The following CNTNAP5 variants were observed in gnomAD, a reference collection of about 807,000 sequenced individuals.
The protein encoded by CNTNAP5 is contactin associated protein family member 5.
In CNTNAP5, 72 loss-of-function variants were observed where a neutral mutation model predicts 150.2. The ratio of observed to expected loss-of-function variants is 0.48; its 90% CI spans 0.40 to 0.58. CNTNAP5 has a LOEUF of 0.58. Ranked by LOEUF, CNTNAP5 falls within the 20% of genes least tolerant of loss-of-function variation. The pLI, the probability that CNTNAP5 is intolerant of heterozygous loss-of-function variation, is 0.00. For missense variants in CNTNAP5, 1,636 were observed against 1,626.2 expected, an observed-to-expected ratio of 1.01 and a Z score of -0.10; for synonymous variants, 672 against 619.8, an observed-to-expected ratio of 1.08 and a Z score of -1.25.
At chr2:124,491,372 T>C (rs1023319288) in intron 7 of CNTNAP5, among the ~76,000 whole-genome samples, 1 of 152,104 alleles carries the variant, frequency 6.6e-6, no homozygotes, top group Non-Finnish European at 1.5e-5. Context: ...ATAGCATGGT[T>C]TTCCTCTTTC....
At chr2:124,027,583 A>T (rs1204533819) in intron 1 of CNTNAP5, among the ~76,000 whole-genome samples, 1 of 152,246 alleles carries the variant, frequency 6.6e-6, no homozygotes, top group Non-Finnish European at 1.5e-5. Flanking sequence ...AATGTGTTTT[A>T]AAAATGCTCA....
At chr2:124,815,022 C>G (rs558493403) in intron 19 of CNTNAP5, among the ~76,000 whole-genome samples, 25 of 152,168 alleles carry the variant, frequency 1.6e-4, no homozygotes, top group Non-Finnish European at 3.2e-4. Flanking sequence ...GATGAAGTGC[C>G]TGCTAGTCTA....
rs184976006 is a variant in CNTNAP5 at position 124,663,500 on chromosome 2, A to G, written c.2077+15542A>G. 4.4e-3 allele frequency among the ~76,000 whole-genome samples: 671 copies of G among 152,362 alleles called. 6 individuals carry two copies. The highest frequency in any genetic ancestry group is 7.6e-3 in the Non-Finnish European group (520 of 68,036). ...CGACACTGTAAAAATTTATCTGTAT[A>G]TTCAGCACAATTTTTGCATTAGAAT... On this transcript the variant is annotated intron_variant, in intron 13 of 23. Transcript: ENST00000682447.
At chr2:124,700,212 CTGAG>C (rs1375950717) in intron 13 of CNTNAP5, among the ~76,000 whole-genome samples, 6 of 152,146 alleles carry the variant, frequency 3.9e-5, no homozygotes, top group Non-Finnish European at 8.8e-5. Context: ...CTTTTTAAGG[CTGAG>C]TAATATTCCA....
intron 11 of CNTNAP5, among the ~76,000 whole-genome samples, chr2:124,591,888 TAAC>T (rs1400730360): frequency 2.0e-5 from 3 of 152,174 alleles, no homozygotes; most frequent in Non-Finnish European, 4.4e-5. Flanking sequence ...TCTCTATACA[TAAC>T]CTTTATAAAA....
intron 17 of CNTNAP5, among the ~76,000 whole-genome samples, chr2:124,777,774 GATGT>G (rs1424976004): frequency 1.1e-4 from 11 of 104,658 alleles, no homozygotes; most frequent in African/African-American, 3.9e-4. Flanking sequence ...AGAATGGAGG[GATGT>G]GTGTGTGTGT....
chr2:124,258,765 C>T (rs1327597645), intron 3 of CNTNAP5, among the ~76,000 whole-genome samples: 1 of 152,190 alleles, frequency 6.6e-6, no homozygotes, highest in Non-Finnish European at 1.5e-5. Flanking sequence ...TTCTATGACT[C>T]ACATGCCTTC....
In CNTNAP5 at chr2:124,296,230, G is replaced by A. The variant is rs200968928; in HGVS notation, c.381+53837G>A. Among the ~76,000 whole-genome samples, 667 of 152,162 alleles carry A rather than the reference G, an allele frequency of 4.4e-3. 6 individuals carry two copies. The highest frequency in any genetic ancestry group is 0.015 in the African/African-American group (636 of 41,496). Reference sequence around the variant, plus strand: ...GAAAATCACCCTTGAAATTCCAGTGGTTTAATGCCACAAAGATTTATTTCT... The same window carrying A: ...GAAAATCACCCTTGAAATTCCAGTGATTTAATGCCACAAAGATTTATTTCT... On this transcript the variant is annotated intron_variant, in intron 3 of 23. Coordinates refer to ENST00000682447, the MANE Select transcript of CNTNAP5 (RefSeq NM_001367498.1).
chr2:124,916,650 A>T lies in CNTNAP5; in HGVS notation c.*2362A>T, dbSNP rs990975194. Among the ~76,000 whole-genome samples the T allele has an allele frequency of 6.6e-6, 1 of 152,058 alleles. No homozygotes were observed. The highest frequency in any genetic ancestry group is 1.5e-5 in the Non-Finnish European group (1 of 67,978). On this transcript the variant is annotated 3_prime_UTR_variant, in exon 24 of 24. Coordinates refer to ENST00000682447, the MANE Select transcript of CNTNAP5 (RefSeq NM_001367498.1). ...CTAACTCAGAGTATTTGATTTTCTCATCTAAGTATATATGCTTGTAGATTG... is the reference window on the plus strand; with the variant it reads ...CTAACTCAGAGTATTTGATTTTCTCTTCTAAGTATATATGCTTGTAGATTG...
chr2:124,785,791 C>T lies in CNTNAP5; in HGVS notation c.2753-4111C>T, dbSNP rs543284590. Among the ~76,000 whole-genome samples the T allele has an allele frequency of 6.1e-4, 93 of 152,298 alleles. 1 individual carries two copies. Among genetic ancestry groups the T allele is most frequent in the Admixed American group, 5.9e-4 (9 of 15,300 alleles). On this transcript the variant is annotated intron_variant, in intron 17 of 23. Transcript: ENST00000682447. ...ACTAGTTTCCAAAGGGTATCAAACA[C>T]GTACAGCAGAATCACATTTTCAAAT...
At chr2:124,664,276 T>C (rs1334876451) in intron 13 of CNTNAP5, among the ~76,000 whole-genome samples, 1 of 149,674 alleles carries the variant, frequency 6.7e-6, no homozygotes, top group African/African-American at 2.5e-5. Flanking sequence ...TGAGCTATGA[T>C]TGTGCCACTG....
intron 3 of CNTNAP5, among the ~76,000 whole-genome samples, chr2:124,362,238 C>A (rs370772035): frequency 2.6e-5 from 4 of 152,232 alleles, no homozygotes; most frequent in Non-Finnish European, 2.9e-5. Context: ...GAACCCGGTA[C>A]GTCACATGGA....
chr2:124,824,608 A>C (rs1682556345), intron 19 of CNTNAP5, among the ~76,000 whole-genome samples: 3 of 152,246 alleles, frequency 2.0e-5, no homozygotes, highest in African/African-American at 7.2e-5. Context: ...TTACTTAAGT[A>C]ATATCTTGTC....
At position 124,353,073 on chromosome 2, in the gene CNTNAP5, T is replaced by A. The variant is rs377486128; in HGVS notation, c.382-64370T>A. Among the ~76,000 whole-genome samples the A allele has an allele frequency of 7.9e-5, 12 of 152,164 alleles. No homozygotes were observed. In the South Asian group the frequency reaches 2.1e-3, roughly 26 times the overall value. On this transcript the variant is annotated intron_variant, in intron 3 of 23. Coordinates refer to ENST00000682447, the MANE Select transcript of CNTNAP5 (RefSeq NM_001367498.1). ...TGGGTGAGCCACATTGAGCGAGGTC[T>A]CCAGGGAAAGGAGAGCCCCAGCTGA... is the stretch of plus-strand genomic sequence containing the variant.
At chr2:124,774,564 T>A (rs1681279234) in intron 17 of CNTNAP5, among the ~76,000 whole-genome samples, 1 of 152,354 alleles carries the variant, frequency 6.6e-6, no homozygotes, top group South Asian at 2.1e-4. Flanking sequence ...TAAAATATTT[T>A]AAAAATTTAT....
chr2:124,397,999 A>AT (rs1313813729), intron 3 of CNTNAP5, among the ~76,000 whole-genome samples: 4 of 152,212 alleles, frequency 2.6e-5, no homozygotes, highest in South Asian at 2.1e-4. Flanking sequence ...AAATGTTTAC[A>AT]TTTTTTGTGC....
Position 124,253,488 on chromosome 2 carries a change from G to T in CNTNAP5, c.381+11095G>T, listed in dbSNP as rs144467300. Among the ~76,000 whole-genome samples, 1,297 of 152,220 alleles carry T rather than the reference G, an allele frequency of 8.5e-3. 12 individuals are homozygous for T. Among genetic ancestry groups the T allele is most frequent in the East Asian group, 0.03 (153 of 5,178 alleles). ...TTTTGTTCCACTACCTCCTTGGCAG[G>T]TATGCCAGCTGCCTTACTTTAAAAA... is the stretch of plus-strand genomic sequence containing the variant. On this transcript the variant is annotated intron_variant, in intron 3 of 23. Transcript: ENST00000682447.
Position 124,764,049 on chromosome 2 carries a change from T to G in CNTNAP5, c.2435T>G (p.Phe812Cys). 1 of 1,613,316 alleles carries G rather than the reference T, an allele frequency of 6.2e-7. No homozygotes were observed. The highest frequency in any genetic ancestry group is 1.3e-5 in the African/African-American group (1 of 75,000). The change falls in exon 16 of 24, where the codon TTC becomes TGC. Residue 812 changes from phenylalanine to cysteine, a missense_variant. Physicochemically the swap from Phe to Cys is radical, Grantham distance 205. Coordinates refer to ENST00000682447, the MANE Select transcript of CNTNAP5 (RefSeq NM_001367498.1). ...YLHFPTFHAEFSADISFFFKT... is the reference protein window; with the variant it reads ...YLHFPTFHAECSADISFFFKT... Reference sequence around the variant, plus strand: ...CACTTTCCTACCTTCCATGCGGAATTCAGTGCCGATATTTCCTTCTTTTTT... The same window carrying G: ...CACTTTCCTACCTTCCATGCGGAATGCAGTGCCGATATTTCCTTCTTTTTT...
chr2:124,515,239 T>C (rs991496359), intron 8 of CNTNAP5, among the ~76,000 whole-genome samples: 1 of 152,212 alleles, frequency 6.6e-6, no homozygotes, highest in Non-Finnish European at 1.5e-5. Flanking sequence ...AATCCATCAA[T>C]GAACCTTGGA....
Sources: gnomAD v4.1 joint callset for allele counts (sites outside exome capture counted in the v4.1 genomes callset) on GRCh38, gnomAD v4.1.1 for gene constraint, MANE v1.5 for transcripts, NCBI Gene and HGNC (gene_info 2026-07-23, HGNC 2026-07-21) for gene names.